The following TRNAU1AP variants were observed in gnomAD, a reference collection of about 807,000 sequenced individuals.
TRNAU1AP encodes the protein tRNA selenocysteine 1-associated protein 1.
TRNAU1AP carries 33 observed loss-of-function variants against 43.3 expected under a neutral mutation model. That is an observed-to-expected ratio of 0.76 (90% CI 0.58 to 1.02). The LOEUF (loss-of-function observed/expected upper bound fraction) is 1.02. TRNAU1AP is among the 50% of genes least tolerant of loss of function. TRNAU1AP has a pLI of 0.00. For missense variants in TRNAU1AP, 290 were observed against 362.7 expected (o/e 0.80, Z 1.63); for synonymous variants, 143 against 129.1 (o/e 1.11, Z -0.73).
intron 2 of TRNAU1AP, chr1:28,554,040 A>C (rs1160480124): frequency 4.6e-6 from 1 of 218,842 alleles, no homozygotes; most frequent in South Asian, 6.8e-5. Context: ...TCTACTAAAA[A>C]TACAAAAATT....
chr1:28,577,402 AC>A, intron 8 of TRNAU1AP, 97 bp from the exon 9 acceptor site: 1 of 1,365,538 alleles, frequency 7.3e-7, no homozygotes, highest in Non-Finnish European at 1.0e-6. Flanking sequence ...CAGGATAGGG[AC>A]CTTACCATAG....
At chr1:28,556,347 C>T (rs1468364629) in intron 2 of TRNAU1AP, among the ~76,000 whole-genome samples, 1 of 151,578 alleles carries the variant, frequency 6.6e-6, no homozygotes, top group African/African-American at 2.4e-5. Context: ...ACCTGTAATT[C>T]CAACTACTTG....
intron 4 of TRNAU1AP, among the ~76,000 whole-genome samples, chr1:28,561,745 C>T (rs752242080): frequency 2.0e-5 from 3 of 152,146 alleles, no homozygotes; most frequent in Non-Finnish European, 2.9e-5. Context: ...CAAGAATAGC[C>T]TGGGCAACAT....
At chr1:28,557,899 A>AT (rs58464316) in intron 2 of TRNAU1AP, among the ~76,000 whole-genome samples, 14,166 of 133,422 alleles carry the variant, frequency 0.11, 1,536 homozygotes, top group African/African-American at 0.29. Flanking sequence ...CACCCAGCTA[A>AT]TTTTTTTTTT....
At chr1:28,558,484 C>G (rs1022515950) in intron 2 of TRNAU1AP, among the ~76,000 whole-genome samples, 1 of 151,852 alleles carries the variant, frequency 6.6e-6, no homozygotes, top group African/African-American at 2.4e-5. Context: ...ACTTCCGCCT[C>G]CCGCGTTCAG....
intron 8 of TRNAU1AP, among the ~76,000 whole-genome samples, chr1:28,575,490 C>T (rs1251060544): frequency 6.3e-5 from 9 of 142,810 alleles, no homozygotes; most frequent in Admixed American, 2.2e-4. Flanking sequence ...GAGACGGTGT[C>T]TCACTCTTGT....
intron 8 of TRNAU1AP, among the ~76,000 whole-genome samples, chr1:28,576,320 A>ATT (rs879631148): frequency 1.1e-4 from 15 of 137,902 alleles, no homozygotes; most frequent in African/African-American, 2.9e-4. Flanking sequence ...TGCCCAGCTA[A>ATT]TTTTTTTTTT....
chr1:28,578,491 C>T lies in TRNAU1AP; in HGVS notation c.*855C>T, dbSNP rs970029362. The stretch of plus-strand genomic sequence containing the variant: ...CTTTGGGAGATGGATTGCTTGAGCT[C>T]GGGAAGAGACCAGTTCGGTCTCTAC... On this transcript the variant is annotated 3_prime_UTR_variant, in exon 9 of 9. Coordinates refer to ENST00000373830, the MANE Select transcript of TRNAU1AP (RefSeq NM_017846.5). 1.4e-5 allele frequency: 4 copies of T among 281,358 alleles called. No individual in the cohort carries two copies. The highest frequency in any genetic ancestry group is 2.9e-5 in the Non-Finnish European group (4 of 138,590). 17.4% of individuals were successfully genotyped at this position (281,358 alleles called of 1,614,324 possible).
chr1:28,562,736 A>G (rs760671847), intron 4 of TRNAU1AP, among the ~76,000 whole-genome samples: 4 of 151,462 alleles, frequency 2.6e-5, no homozygotes, highest in Non-Finnish European at 5.9e-5. Flanking sequence ...GCCTGCCACC[A>G]CGCCTGGCTA....
At chr1:28,572,128 C>T (rs1169603819) in intron 8 of TRNAU1AP, among the ~76,000 whole-genome samples, 1 of 152,076 alleles carries the variant, frequency 6.6e-6, no homozygotes, top group Non-Finnish European at 1.5e-5. Flanking sequence ...CAGGAGAGCC[C>T]ATCACCCCCT....
chr1:28,571,723 C>A, intron 7 of TRNAU1AP, 144 bp from the exon 8 acceptor site: 1 of 631,208 alleles, frequency 1.6e-6, no homozygotes, highest in Non-Finnish European at 2.8e-6. Context: ...GCGGGTGTTG[C>A]AGTGAGCCGA....
At chr1:28,554,441 T>C (rs553902649) in intron 2 of TRNAU1AP, among the ~76,000 whole-genome samples, 3 of 152,234 alleles carry the variant, frequency 2.0e-5, no homozygotes, top group African/African-American at 4.8e-5. Context: ...TATAGTCAGA[T>C]TACGATCTGC....
chr1:28,559,146 A>G (rs1215158918), intron 2 of TRNAU1AP, among the ~76,000 whole-genome samples: 1 of 151,618 alleles, frequency 6.6e-6, no homozygotes, highest in African/African-American at 2.4e-5. Context: ...ATCTCGGCTC[A>G]CTGCAGCCTC....
intron 4 of TRNAU1AP, among the ~76,000 whole-genome samples, chr1:28,561,826 A>G (rs1004396950): frequency 2.0e-5 from 3 of 152,132 alleles, no homozygotes; most frequent in African/African-American, 7.2e-5. Context: ...TAATCCCAGC[A>G]CTTTGGGAGG....
intron 2 of TRNAU1AP, among the ~76,000 whole-genome samples, chr1:28,556,791 C>G (rs1184454968): frequency 6.6e-6 from 1 of 152,102 alleles, no homozygotes; most frequent in Non-Finnish European, 1.5e-5. Flanking sequence ...TCAAGCGATT[C>G]TCCTGCCTCA....
At chr1:28,568,159 G>A (rs1378084839) in intron 6 of TRNAU1AP, among the ~76,000 whole-genome samples, 11 of 152,092 alleles carry the variant, frequency 7.2e-5, no homozygotes, top group Non-Finnish European at 1.0e-4. Flanking sequence ...GCAAGACTCC[G>A]TCTCAAATAA....
At chr1:28,564,926 C>T (rs1427568025) in intron 5 of TRNAU1AP, 92 bp downstream of exon 5, 11 of 1,496,064 alleles carry the variant, frequency 7.4e-6, no homozygotes, top group East Asian at 2.3e-5. Flanking sequence ...TGCAGCATGG[C>T]GATTAAGACC....
At chr1:28,570,779 T>C (rs1665647086) in intron 6 of TRNAU1AP, among the ~76,000 whole-genome samples, 1 of 152,060 alleles carries the variant, frequency 6.6e-6, no homozygotes, top group Non-Finnish European at 1.5e-5. Flanking sequence ...TATGGTTGTT[T>C]TGAGGATTAA....
At chr1:28,560,478 C>T (rs1238877029) in intron 2 of TRNAU1AP, among the ~76,000 whole-genome samples, 155 bp from the exon 3 acceptor site, 3 of 152,230 alleles carry the variant, frequency 2.0e-5, no homozygotes, top group Middle Eastern at 3.4e-3. Context: ...GATGGTGTTT[C>T]AGCATGTTGT....
Sources: gnomAD v4.1 joint callset for allele counts (sites outside exome capture counted in the v4.1 genomes callset) on GRCh38, gnomAD v4.1.1 for gene constraint, MANE v1.5 for transcripts, NCBI Gene and HGNC (gene_info 2026-07-23, HGNC 2026-07-21) for gene names.